Variants in HOXC5 observed in about 807,000 individuals in gnomAD.
The protein encoded by HOXC5 is homeobox C5, also known as homeobox protein Hox-C5.
Under a neutral mutation model 20.1 loss-of-function variants are expected in HOXC5, and 19 were observed. The ratio of observed to expected loss-of-function variants is 0.94; its 90% confidence interval spans 0.66 to 1.38. The LOEUF (loss-of-function observed/expected upper bound fraction) is 1.38, where lower values mean the gene tolerates loss of function less well. HOXC5 is among the 40% of genes most tolerant of loss of function. HOXC5 has a pLI of 0.00. For missense variants in HOXC5, 330 were observed against 300.1 expected, an observed-to-expected ratio of 1.10 and a Z score of -0.74; for synonymous variants, 124 against 117.0, an observed-to-expected ratio of 1.06 and a Z score of -0.39.
chr12:54,029,507 G>A, upstream of HOXC5: 1 of 737,594 alleles, frequency 1.4e-6, no homozygotes, highest in South Asian at 2.1e-5. Flanking sequence ...CAGTGGGGGT[G>A]GGGCAAGGCA....
chr12:54,033,007 G>A, upstream of HOXC5: 2 of 768,270 alleles, frequency 2.6e-6, no homozygotes, highest in South Asian at 3.7e-5. Context: ...TAAAGAAAGA[G>A]ATATCTCCAC....
the HOXC5 span, among the ~76,000 whole-genome samples, chr12:54,019,383 G>A: frequency 6.6e-6 from 1 of 152,202 alleles, no homozygotes; most frequent in Non-Finnish European, 1.5e-5. Flanking sequence ...CGGCAGGCCG[G>A]AACCCGGAGT....
chr12:54,034,043 C>A, intron 1 of HOXC5: 1 of 699,102 alleles, frequency 1.4e-6, no homozygotes, highest in Non-Finnish European at 2.7e-6. Flanking sequence ...CCCCCAACCC[C>A]CCCTCAGCCC....
At chr12:54,017,051 T>C in the HOXC5 span, 1 of 132,368 alleles carries the variant, frequency 7.6e-6, no homozygotes, top group Middle Eastern at 3.4e-3. Flanking sequence ...TGGGGGCAGC[T>C]GGGGAGGGTG....
the HOXC5 span, chr12:54,021,891 A>G: frequency 6.6e-6 from 1 of 152,270 alleles, no homozygotes; most frequent in Admixed American, 6.5e-5. Context: ...GTGCTGTGCT[A>G]TCCCCGGACT....
chr12:54,029,619 G>T, upstream of HOXC5: 1 of 1,593,016 alleles, frequency 6.3e-7, no homozygotes, highest in East Asian at 2.2e-5. Context: ...ACGCTTTGCT[G>T]ATTGCTTTTA....
At chr12:54,032,967 G>C (rs1293161799), upstream of HOXC5, 1 of 648,706 alleles carries the variant, frequency 1.5e-6, no homozygotes, top group Non-Finnish European at 2.6e-6. Context: ...CTCTATTTAA[G>C]GCTCCCTTAT....
Position 54,034,768 on chromosome 12 carries a change from G to A in HOXC5, c.*276G>A. ...CTCCGCAGGACTTCCCCGGAGGGCT[G>A]CGGCGTACAGGCTGGCGCAGAACGA... On this transcript the variant is annotated 3_prime_UTR_variant, in exon 2 of 2. Coordinates refer to ENST00000312492, the MANE Select transcript of HOXC5 (RefSeq NM_018953.4). 1 of 451,788 alleles carries A rather than the reference G, an allele frequency of 2.2e-6. No individual in the cohort carries two copies. Among genetic ancestry groups the A allele is most frequent in the Non-Finnish European group, 4.1e-6 (1 of 243,478 alleles). 28.0% of individuals were successfully genotyped at this position (451,788 alleles called of 1,614,324 possible). A position where few individuals can be genotyped will look rare whatever the true frequency, so the allele number is the denominator to read the frequency against.
chr12:54,028,817 C>G (rs1440055649), upstream of HOXC5: 18 of 1,614,212 alleles, frequency 1.1e-5, no homozygotes, highest in Non-Finnish European at 1.5e-5. Flanking sequence ...ACACAGACCT[C>G]AATCGCTCAG....
chr12:54,032,878 A>T (rs1240593843), upstream of HOXC5: 1 of 291,754 alleles, frequency 3.4e-6, no homozygotes, highest in East Asian at 6.4e-5. Context: ...ACATATCGAG[A>T]TGCTTTTCGC....
chr12:54,021,307 T>G, the HOXC5 span: 1 of 152,170 alleles, frequency 6.6e-6, no homozygotes, highest in Non-Finnish European at 1.5e-5. Context: ...GAACTGCGTT[T>G]TAATCCTCGT....
the HOXC5 span, among the ~76,000 whole-genome samples, chr12:54,025,748 A>G: frequency 7.4e-3 from 1,126 of 152,220 alleles, 11 homozygotes; most frequent in Middle Eastern, 0.034. Flanking sequence ...TGAGGCTCAC[A>G]TTCTGCCTCT....
At chr12:54,024,908 A>G in the HOXC5 span, among the ~76,000 whole-genome samples, 1 of 152,244 alleles carries the variant, frequency 6.6e-6, no homozygotes, top group Non-Finnish European at 1.5e-5. Flanking sequence ...TGCATTGGAG[A>G]GGACTGGAGA....
At chr12:54,025,337 A>G in the HOXC5 span, among the ~76,000 whole-genome samples, 1 of 152,228 alleles carries the variant, frequency 6.6e-6, no homozygotes, top group Admixed American at 6.5e-5. Context: ...ATAGACAGCC[A>G]TTCTTTTGCC....
In HOXC5 at chr12:54,034,254, C is replaced by A. The variant is rs200056869; in HGVS notation, c.455-24C>A. The A allele has an allele frequency of 2.5e-6, 4 of 1,595,532 alleles. No individual in the cohort carries two copies. In the Admixed American group the frequency reaches 6.7e-5, roughly 27 times the overall value. The stretch of plus-strand genomic sequence containing the variant: ...CTGCAAGCTATTCACCCCTTCCTGG[C>A]TTGGGGTGGGGTTTATGTTCCAGAG... On this transcript the variant is annotated intron_variant, in intron 1 of 1. Transcript: ENST00000312492.
chr12:54,033,747 C>A (rs1418034919), intron 1 of HOXC5, among the ~76,000 whole-genome samples, 171 bp downstream of exon 1: 2 of 152,130 alleles, frequency 1.3e-5, no homozygotes, highest in East Asian at 3.9e-4. Flanking sequence ...AAATTTACGA[C>A]GACATAATTG....
rs1441542947 is a variant in HOXC5, at chr12:54,034,351, T to A, written c.528T>A (p.Phe176Leu). The A allele has an allele frequency of 1.9e-6, 3 of 1,614,232 alleles. No homozygotes were observed. The highest frequency in any genetic ancestry group is 2.5e-6 in the Non-Finnish European group (3 of 1,180,036). Reference sequence around the variant, plus strand: ...TGGAACTCGAGAAAGAATTCCACTTTAACCGCTACCTCACTCGCCGCAGGC... The same window carrying A: ...TGGAACTCGAGAAAGAATTCCACTTAAACCGCTACCTCACTCGCCGCAGGC... ...QTLELEKEFHFNRYLTRRRRI... is the reference protein window; with the variant it reads ...QTLELEKEFHLNRYLTRRRRI... The change falls in exon 2 of 2, where the codon TTT becomes TTA. Residue 176 changes from phenylalanine (F) to leucine (L), a missense_variant. By Grantham distance (22) the Phe-to-Leu change is conservative (BLOSUM62 0). Transcript: ENST00000312492.
At chr12:54,016,986 A>T in the HOXC5 span, 4 of 151,986 alleles carry the variant, frequency 2.6e-5, no homozygotes, top group African/African-American at 9.6e-5. Flanking sequence ...AATCTGATTA[A>T]TAATTATTTT....
upstream of HOXC5, chr12:54,030,019 C>T: frequency 7.2e-7 from 1 of 1,391,094 alleles, no homozygotes; most frequent in Non-Finnish European, 9.6e-7. Context: ...CACCAACTCT[C>T]CCCTAATCAC....
Sources: allele counts gnomAD v4.1 joint callset (sites outside exome capture counted in the v4.1 genomes callset), GRCh38; gene constraint gnomAD v4.1.1; transcripts MANE v1.5; gene names NCBI Gene and HGNC (gene_info 2026-07-23, HGNC 2026-07-21).